Variants in EPB41L3 observed in about 807,000 individuals in gnomAD.
EPB41L3 encodes the protein erythrocyte membrane protein band 4.1 like 3, also known as band 4.1-like protein 3.
EPB41L3 carries 57 observed loss-of-function variants against 127.1 expected under a neutral mutation model. The observed-to-expected ratio is 0.45, with a 90% CI of 0.36 to 0.56. The LOEUF (loss-of-function observed/expected upper bound fraction) is 0.56, where lower values mean the gene tolerates loss of function less well. Among genes scored for constraint, EPB41L3 ranks in the 20% least tolerant of loss-of-function variants. The pLI is 0.00. For synonymous variants in EPB41L3, 572 were observed against 549.5 expected (o/e 1.04, Z -0.57); for missense variants, 1,273 against 1,372.2 (o/e 0.93, Z 1.14).
chr18:5,573,158 A>G (rs2094301437), intron 3 of EPB41L3, among the ~76,000 whole-genome samples: 1 of 152,192 alleles, frequency 6.6e-6, no homozygotes, highest in South Asian at 2.1e-4. Context: ...TGACACATCC[A>G]ATTTGTGTAA....
intron 1 of EPB41L3, among the ~76,000 whole-genome samples, chr18:5,529,467 A>C (rs2093342172): frequency 6.6e-6 from 1 of 152,006 alleles, no homozygotes. Context: ...CACCCTCAGA[A>C]CACAGGGGGT....
chr18:5,484,120 AACAG>A (rs1568375843), intron 2 of EPB41L3, among the ~76,000 whole-genome samples: 1 of 133,338 alleles, frequency 7.5e-6, no homozygotes, highest in African/African-American at 2.7e-5. Flanking sequence ...AAAAAAAAAA[AACAG>A]AAAAAAAAAA....
At chr18:5,456,753 T>C (rs1222718872) in intron 3 of EPB41L3, among the ~76,000 whole-genome samples, 1 of 152,244 alleles carries the variant, frequency 6.6e-6, no homozygotes, top group Non-Finnish European at 1.5e-5. Flanking sequence ...CCTGGCTTAA[T>C]ACTGCGTGAA....
chr18:5,561,967 C>T (rs940314055), intron 3 of EPB41L3, among the ~76,000 whole-genome samples: 1 of 152,162 alleles, frequency 6.6e-6, no homozygotes, highest in African/African-American at 2.4e-5. Context: ...ATGAGATACT[C>T]TTCAAAAGTG....
rs1419552244 is a variant in EPB41L3 at position 5,406,946 on chromosome 18, T to A, written c.2180A>T (p.Asp727Val). 1.2e-6 allele frequency: 2 copies of A among 1,614,104 alleles called. No homozygotes were observed. Among genetic ancestry groups the A allele is most frequent in the Admixed American group, 3.3e-5 (2 of 60,008 alleles). Residue 727 changes from aspartate to valine, a missense_variant, in exon 16 of 23, where the codon GAC becomes GTC. Asp to Val is a radical substitution (Grantham distance 152). This residue lies in a region of EPB41L3 where 765 missense variants were observed against 782.9 expected (regional missense o/e 0.98). Transcript: ENST00000341928. ...AATGTTGGTTTGATGTTTCATCAGG[T>A]CATCTTGAGTTTTTTCTAGCTCCTA... ...KAQELEKTQDDLMKHQTNISE... is the reference protein window; with the variant it reads ...KAQELEKTQDVLMKHQTNISE...
intron 3 of EPB41L3, among the ~76,000 whole-genome samples, chr18:5,469,651 G>A (rs780723945): frequency 2.0e-5 from 3 of 152,152 alleles, no homozygotes; most frequent in East Asian, 3.8e-4. Context: ...GGCGCCACCC[G>A]CCCTAGAGGC....
intron 16 of EPB41L3, chr18:5,400,685 A>C: frequency 2.0e-6 from 1 of 494,186 alleles, no homozygotes; most frequent in Non-Finnish European, 3.8e-6. Flanking sequence ...AACAGGCAGT[A>C]AAACAACATT....
chr18:5,488,979 T>C, intron 2 of EPB41L3, 22 bp downstream of exon 2: 2 of 1,564,918 alleles, frequency 1.3e-6, no homozygotes, highest in Admixed American at 1.9e-5. Context: ...ACTGCGTCAT[T>C]AGTTTTCTGG....
At chr18:5,523,355 C>T (rs545966422) in intron 1 of EPB41L3, among the ~76,000 whole-genome samples, 1 of 152,276 alleles carries the variant, frequency 6.6e-6, no homozygotes, top group South Asian at 2.1e-4. Flanking sequence ...TTAAATTGGG[C>T]TTCTGTCAAT....
At chr18:5,552,703 A>G (rs536021848) in intron 3 of EPB41L3, among the ~76,000 whole-genome samples, 1 of 152,090 alleles carries the variant, frequency 6.6e-6, no homozygotes, top group Admixed American at 6.5e-5. Context: ...ACTGTTTTAC[A>G]AGCTATTGTT....
At chr18:5,541,077 T>G (rs1459080398) in intron 1 of EPB41L3, among the ~76,000 whole-genome samples, 2 of 93,154 alleles carry the variant, frequency 2.1e-5, no homozygotes, top group African/African-American at 8.0e-5. Flanking sequence ...AGAGCGAGAC[T>G]CCGTCTCAAA....
At chr18:5,462,895 C>T (rs542600086) in intron 3 of EPB41L3, among the ~76,000 whole-genome samples, 39 of 152,252 alleles carry the variant, frequency 2.6e-4, no homozygotes, top group Admixed American at 7.8e-4. Context: ...TTAAATTCAA[C>T]GCATCTAAGT....
chr18:5,621,869 T>A (rs1266278196), intron 1 of EPB41L3, among the ~76,000 whole-genome samples: 1 of 152,222 alleles, frequency 6.6e-6, no homozygotes, highest in East Asian at 1.9e-4. Flanking sequence ...TATAAATTAA[T>A]TTCTCATGGA....
At chr18:5,468,950 C>CAAACAAA (rs1243533954) in intron 3 of EPB41L3, among the ~76,000 whole-genome samples, 2 of 126,318 alleles carry the variant, frequency 1.6e-5, no homozygotes, top group Non-Finnish European at 3.5e-5. Context: ...AACAAACAAA[C>CAAACAAA]AAACAAAAAA....
chr18:5,494,819 T>A (rs892711731), intron 1 of EPB41L3, among the ~76,000 whole-genome samples: 3 of 152,096 alleles, frequency 2.0e-5, no homozygotes, highest in African/African-American at 7.2e-5. Context: ...AAGGGGTGCG[T>A]GAGAGTGATG....
rs527534705 is a variant in EPB41L3 at position 5,439,609 on chromosome 18, A to C, written c.530-1499T>G. Among the ~76,000 whole-genome samples the C allele has an allele frequency of 2.0e-5, 3 of 152,354 alleles. No individual in the cohort carries two copies. In the East Asian group the frequency reaches 5.8e-4, roughly 29 times the overall value. On this transcript the variant is annotated intron_variant, in intron 5 of 22. Transcript: ENST00000341928. ...TAAAGGATTTACCATAGGACCAGGC[A>C]TTAGTGGGAACTTAATATCATTTTT... is the stretch of plus-strand genomic sequence containing the variant.
At chr18:5,461,724 G>T (rs2084035989) in intron 3 of EPB41L3, among the ~76,000 whole-genome samples, 1 of 152,138 alleles carries the variant, frequency 6.6e-6, no homozygotes, top group South Asian at 2.1e-4. Flanking sequence ...TATACAGAAA[G>T]AAAATATCCA....
intron 12 of EPB41L3, among the ~76,000 whole-genome samples, chr18:5,417,905 G>A (rs1041067742): frequency 1.3e-5 from 2 of 152,184 alleles, no homozygotes; most frequent in African/African-American, 4.8e-5. Context: ...GCATGGAGGT[G>A]AGGCAGCCCC....
intron 1 of EPB41L3, among the ~76,000 whole-genome samples, chr18:5,615,204 T>A (rs1407778229): frequency 6.6e-6 from 1 of 151,694 alleles, no homozygotes; most frequent in South Asian, 2.1e-4. Context: ...AATTCAGACT[T>A]TTTTTTTAAA....
Sources: gnomAD v4.1 joint callset for allele counts (sites outside exome capture counted in the v4.1 genomes callset) on GRCh38, gnomAD v4.1.1 for gene constraint, gnomAD v4.1.1 regional missense constraint, MANE v1.5 for transcripts, NCBI Gene and HGNC (gene_info 2026-07-23, HGNC 2026-07-21) for gene names.